The following DGKB variants were observed in gnomAD, a reference collection of about 807,000 sequenced individuals.
DGKB encodes the protein 90 kDa diacylglycerol kinase.
In DGKB, 67 loss-of-function variants were observed where a neutral mutation model predicts 114.3. That is an observed-to-expected ratio of 0.59 (90% CI 0.48 to 0.72). DGKB has a LOEUF of 0.72. DGKB is among the 30% of genes least tolerant of loss of function. The pLI is 0.00. For missense variants in DGKB, 907 were observed against 975.2 expected, an observed-to-expected ratio of 0.93 and a Z score of 0.93; for synonymous variants, 398 against 323.1, an observed-to-expected ratio of 1.23 and a Z score of -2.49.
chr7:14,472,384 C>T (rs1781549758), intron 21 of DGKB, among the ~76,000 whole-genome samples: 1 of 152,184 alleles, frequency 6.6e-6, no homozygotes, highest in South Asian at 2.1e-4. Flanking sequence ...CATCCACGTA[C>T]AATGTGACTT....
chr7:14,739,196 G>A (rs1264002824), intron 4 of DGKB, among the ~76,000 whole-genome samples: 1 of 152,198 alleles, frequency 6.6e-6, no homozygotes, highest in Non-Finnish European at 1.5e-5. Flanking sequence ...TGTCTAGGCA[G>A]GTAAGGGAAG....
chr7:14,630,046 A>C (rs181468179), intron 14 of DGKB, among the ~76,000 whole-genome samples, 190 bp downstream of exon 14: 11 of 152,180 alleles, frequency 7.2e-5, no homozygotes, highest in Admixed American at 7.2e-4. Flanking sequence ...TAGATGGAAA[A>C]TTCTTCAAGT....
intron 4 of DGKB, among the ~76,000 whole-genome samples, chr7:14,740,914 T>TTC (rs1330300493): frequency 6.6e-5 from 10 of 152,252 alleles, no homozygotes; most frequent in Non-Finnish European, 8.8e-5. Flanking sequence ...AGCTTTTTCC[T>TTC]TCTCTCTCTC....
intron 23 of DGKB, among the ~76,000 whole-genome samples, chr7:14,336,882 G>A (rs201406069): frequency 6.6e-6 from 1 of 152,150 alleles, no homozygotes; most frequent in East Asian, 1.9e-4. Context: ...GAGCCATTGA[G>A]AATCAATTTG....
At chr7:14,685,134 A>T (rs909751975) in intron 10 of DGKB, 111 bp downstream of exon 10, 13 of 664,894 alleles carry the variant, frequency 2.0e-5, no homozygotes, top group African/African-American at 5.4e-5. Flanking sequence ...TCACATGTAC[A>T]GAGACAGTCC....
At chr7:14,236,882 C>CTT (rs548294363) in intron 23 of DGKB, among the ~76,000 whole-genome samples, 2 of 149,324 alleles carry the variant, frequency 1.3e-5, no homozygotes, top group African/African-American at 2.5e-5. Context: ...ACATTAAGCA[C>CTT]TTTTTTTTTT....
At position 14,577,858 on chromosome 7, in the gene DGKB, C is replaced by A. The variant is rs112773190; in HGVS notation, c.1609+3004G>T. 8.3e-3 allele frequency among the ~76,000 whole-genome samples: 1,270 copies of A among 152,238 alleles called. 19 individuals carry two copies. The highest frequency in any genetic ancestry group is 0.029 in the African/African-American group (1,191 of 41,526). ...ATAGATTCCCTGAATCTTAAGTGAA[C>A]CAAATGATTATTGGTTGAATGAAGT... On this transcript the variant is annotated intron_variant, in intron 19 of 25. Transcript: ENST00000402815.
Position 14,145,071 on chromosome 7 carries a change from C to CA in DGKB, c.*4059dup, listed in dbSNP as rs1232345247. On this transcript the variant is annotated 3_prime_UTR_variant, in exon 26 of 26. Transcript: ENST00000402815. ...AACTGAGTGGTTAACGTTTTTATTT[C>CA]AAAAAACAGGATATTGTATATATCA... 1 of 151,780 alleles carries CA rather than the reference C, an allele frequency of 6.6e-6. No homozygotes were observed. The highest frequency in any genetic ancestry group is 6.6e-5 in the Admixed American group (1 of 15,238). The allele number at this position is 151,780 out of a possible 1,614,324, so 9.4% of individuals were successfully genotyped here. A position where few individuals can be genotyped will look rare whatever the true frequency, so the allele number is the denominator to read the frequency against.
chr7:14,601,878 T>G (rs763379909), intron 17 of DGKB, among the ~76,000 whole-genome samples: 1 of 152,126 alleles, frequency 6.6e-6, no homozygotes, highest in African/African-American at 2.4e-5. Context: ...TTCGCAACCA[T>G]GTAGATAATC....
At chr7:14,298,754 C>T (rs1803005608) in intron 23 of DGKB, among the ~76,000 whole-genome samples, 1 of 152,160 alleles carries the variant, frequency 6.6e-6, no homozygotes, top group African/African-American at 2.4e-5. Flanking sequence ...AGTAAACAGG[C>T]AACCTACAGA....
At chr7:14,659,759 C>A (rs1243342326) in intron 13 of DGKB, among the ~76,000 whole-genome samples, 1 of 149,442 alleles carries the variant, frequency 6.7e-6, no homozygotes, top group African/African-American at 2.4e-5. Context: ...GCCAGAACTT[C>A]CAACACTATG....
At chr7:14,367,006 A>G (rs1816786797) in intron 21 of DGKB, among the ~76,000 whole-genome samples, 1 of 152,124 alleles carries the variant, frequency 6.6e-6, no homozygotes, top group South Asian at 2.1e-4. Context: ...AAAGCAGTGC[A>G]CATTCAACAA....
At chr7:14,258,981 T>C (rs1297394574) in intron 23 of DGKB, among the ~76,000 whole-genome samples, 1 of 152,158 alleles carries the variant, frequency 6.6e-6, no homozygotes, top group African/African-American at 2.4e-5. Context: ...TAATTTGTAA[T>C]GTAGATTTCA....
intron 8 of DGKB, among the ~76,000 whole-genome samples, chr7:14,697,702 G>A (rs1340279141): frequency 3.3e-5 from 4 of 122,960 alleles, no homozygotes; most frequent in Non-Finnish European, 6.7e-5. Context: ...AAGGAAGGAA[G>A]GAAGGAAAGA....
chr7:14,202,428 G>A (rs1335879074), intron 23 of DGKB, among the ~76,000 whole-genome samples: 1 of 151,794 alleles, frequency 6.6e-6, no homozygotes, highest in Non-Finnish European at 1.5e-5. Flanking sequence ...TATTTTTCAG[G>A]GGCAAAAGCT....
chr7:14,581,101 T>A (rs1226243127), intron 18 of DGKB, 150 bp from the exon 19 acceptor site: 2 of 488,466 alleles, frequency 4.1e-6, no homozygotes, highest in Non-Finnish European at 7.3e-6. Flanking sequence ...TACACAATAA[T>A]GAATTATGGA....
At chr7:14,227,339 T>C (rs1790964569) in intron 23 of DGKB, among the ~76,000 whole-genome samples, 1 of 152,102 alleles carries the variant, frequency 6.6e-6, no homozygotes, top group Admixed American at 6.6e-5. Flanking sequence ...CCTACATTCT[T>C]ACTCAAATGA....
chr7:14,832,312 A>C (rs1846532796), intron 2 of DGKB, among the ~76,000 whole-genome samples: 1 of 151,988 alleles, frequency 6.6e-6, no homozygotes, highest in Non-Finnish European at 1.5e-5. Flanking sequence ...TTTTGTCACA[A>C]ATTATTTCCT....
At chr7:14,374,699 C>T (rs370308228) in intron 21 of DGKB, among the ~76,000 whole-genome samples, 34 of 152,302 alleles carry the variant, frequency 2.2e-4, no homozygotes, top group African/African-American at 8.2e-4. Flanking sequence ...AAAGAACTCT[C>T]TTGCCGTACA....
Sources: gnomAD v4.1 joint callset for allele counts (sites outside exome capture counted in the v4.1 genomes callset) on GRCh38, gnomAD v4.1.1 for gene constraint, MANE v1.5 for transcripts, NCBI Gene and HGNC (gene_info 2026-07-23, HGNC 2026-07-21) for gene names.